The following TSPAN11 variants were observed in gnomAD, a reference collection of about 807,000 sequenced individuals.
TSPAN11 encodes tetraspanin 11, also known as tetraspanin-11.
TSPAN11 carries 29 observed loss-of-function variants against 32.9 expected under a neutral mutation model. That is an observed-to-expected ratio of 0.88 (90% CI 0.66 to 1.20). TSPAN11 has a LOEUF of 1.20. Among genes scored for constraint, TSPAN11 ranks in the 50% most tolerant of loss-of-function variants. The probability of loss-of-function intolerance (pLI) is 0.00; values close to 1 mark genes in which losing one functional copy is unlikely to be tolerated. For missense variants in TSPAN11, 283 were observed against 329.1 expected (o/e 0.86, Z 1.08); for synonymous variants, 140 against 141.3 (o/e 0.99, Z 0.07).
At chr12:30,952,966 C>G (rs563148002) in intron 1 of TSPAN11, among the ~76,000 whole-genome samples, 7 of 152,296 alleles carry the variant, frequency 4.6e-5, no homozygotes, top group African/African-American at 1.7e-4. Flanking sequence ...GAAGAGGAAA[C>G]TACAAAGGCT....
intron 1 of TSPAN11, among the ~76,000 whole-genome samples, chr12:30,948,359 A>G (rs892772380): frequency 3.3e-5 from 5 of 152,196 alleles, no homozygotes; most frequent in African/African-American, 1.2e-4. Context: ...TCCCTTCCAC[A>G]CTGCCCTAGC....
chr12:30,997,435 A>C (rs1378318533), downstream of TSPAN11: 1 of 152,576 alleles, frequency 6.6e-6, no homozygotes, highest in Non-Finnish European at 1.5e-5. Flanking sequence ...AACAGGAAGC[A>C]TGGCTGGGAG....
At chr12:30,981,936 C>T (rs1939100687) in intron 5 of TSPAN11, among the ~76,000 whole-genome samples, 1 of 152,222 alleles carries the variant, frequency 6.6e-6, no homozygotes, top group Non-Finnish European at 1.5e-5. Flanking sequence ...TGTCCACTGT[C>T]TTGGAATCAT....
chr12:30,960,690 G>A (rs1168641800), intron 2 of TSPAN11, among the ~76,000 whole-genome samples: 2 of 151,962 alleles, frequency 1.3e-5, no homozygotes, highest in African/African-American at 4.9e-5. Context: ...TTGTCGCCTG[G>A]CTTCACCCTC....
chr12:30,959,203 G>A (rs1198240871), intron 2 of TSPAN11, among the ~76,000 whole-genome samples: 1 of 152,098 alleles, frequency 6.6e-6, no homozygotes, highest in Non-Finnish European at 1.5e-5. Context: ...CGTTCTGAGG[G>A]GAGTGAGGGG....
Position 30,940,703 on chromosome 12 carries a change from G to A in TSPAN11, c.-11-13278G>A, listed in dbSNP as rs535996613. On this transcript the variant is annotated intron_variant, in intron 1 of 7. Coordinates refer to ENST00000546076, the MANE Select transcript of TSPAN11 (RefSeq NM_001370302.1). Reference sequence around the variant, plus strand: ...CTCTTCTGTAACATGCGGACAATGCGCATGCCTACCTCATGGGGTTGTGAG... The same window carrying A: ...CTCTTCTGTAACATGCGGACAATGCACATGCCTACCTCATGGGGTTGTGAG... Among the ~76,000 whole-genome samples, 23 of 152,270 alleles carry A rather than the reference G, an allele frequency of 1.5e-4. No individual in the cohort carries two copies. The South Asian group carries it at 2.3e-3, about 15-fold the overall frequency.
Position 30,943,742 on chromosome 12 carries a change from T to C in TSPAN11, c.-11-10239T>C, listed in dbSNP as rs542851198. Reference sequence around the variant, plus strand: ...GCCCCATTCCAAGAGTCTGAGGAAGTCTCACTTCTATGACTGCTTCAGGAA... The same window carrying C: ...GCCCCATTCCAAGAGTCTGAGGAAGCCTCACTTCTATGACTGCTTCAGGAA... On this transcript the variant is annotated intron_variant, in intron 1 of 7. Transcript: ENST00000546076. Among the ~76,000 whole-genome samples, 4 of 152,266 alleles carry C rather than the reference T, an allele frequency of 2.6e-5. No individual in the cohort carries two copies. In the East Asian group the frequency reaches 7.7e-4, roughly 29 times the overall value.
At chr12:30,949,217 A>G (rs948486865) in intron 1 of TSPAN11, among the ~76,000 whole-genome samples, 2 of 152,170 alleles carry the variant, frequency 1.3e-5, no homozygotes, top group Non-Finnish European at 2.9e-5. Context: ...TGAGCTCTCC[A>G]AACTGTTCCA....
the TSPAN11 span, among the ~76,000 whole-genome samples, chr12:31,002,103 T>C: frequency 2.0e-5 from 3 of 152,128 alleles, no homozygotes; most frequent in African/African-American, 4.8e-5. This position sits in a 1 kb window ranked among gnomAD's most constrained non-coding sequence, Gnocchi z 4.8. Context: ...ACTGAGTCTG[T>C]CTCGGTAAAT....
the TSPAN11 span, among the ~76,000 whole-genome samples, chr12:31,001,630 GGCA>G: frequency 2.6e-5 from 4 of 152,144 alleles, no homozygotes; most frequent in Admixed American, 2.0e-4. Flanking sequence ...TTGAAGGGCT[GGCA>G]GGGTTCTGCC....
intron 7 of TSPAN11, among the ~76,000 whole-genome samples, chr12:30,990,149 T>C (rs527748231): frequency 1.3e-5 from 2 of 152,224 alleles, no homozygotes; most frequent in South Asian, 4.2e-4. Context: ...TGTGTGTGTG[T>C]GTGCAAGTGT....
downstream of TSPAN11, chr12:30,996,935 C>A (rs959585652): frequency 1.3e-5 from 2 of 152,266 alleles, no homozygotes; most frequent in Non-Finnish European, 2.9e-5. Flanking sequence ...CCATGACACA[C>A]AACCAGCATC....
At chr12:31,000,742 C>T (rs1939470154), downstream of TSPAN11, among the ~76,000 whole-genome samples, 1 of 152,214 alleles carries the variant, frequency 6.6e-6, no homozygotes, top group Non-Finnish European at 1.5e-5. Flanking sequence ...GTTTTGCAAG[C>T]TATGAAGCTC....
chr12:30,982,422 G>C, intron 5 of TSPAN11, 110 bp from the exon 6 acceptor site: 1 of 1,439,274 alleles, frequency 6.9e-7, no homozygotes, highest in Non-Finnish European at 9.4e-7. Flanking sequence ...ACTAACCATG[G>C]TTCGGGTAGA....
At chr12:30,996,871 G>A (rs1304522087), downstream of TSPAN11, among the ~76,000 whole-genome samples, 1 of 152,154 alleles carries the variant, frequency 6.6e-6, no homozygotes, top group Admixed American at 6.5e-5. Flanking sequence ...TACTTAAATT[G>A]TATTCCTCTT....
chr12:30,962,259 T>C (rs1938628195), intron 2 of TSPAN11, among the ~76,000 whole-genome samples: 1 of 150,096 alleles, frequency 6.7e-6, no homozygotes, highest in South Asian at 2.1e-4. Context: ...GAGGTGCCAA[T>C]GGAGATTAAA....
intron 1 of TSPAN11, among the ~76,000 whole-genome samples, chr12:30,940,290 G>C (rs1938134191): frequency 6.6e-6 from 1 of 152,190 alleles, no homozygotes; most frequent in Admixed American, 6.5e-5. Context: ...TGTTCACATG[G>C]CTCCTTAATG....
chr12:31,008,958 G>C, the TSPAN11 span, among the ~76,000 whole-genome samples: 2 of 152,150 alleles, frequency 1.3e-5, no homozygotes, highest in African/African-American at 4.8e-5. Context: ...GTAAGCCAAG[G>C]GTCACAGTGA....
intron 7 of TSPAN11, among the ~76,000 whole-genome samples, chr12:30,985,890 G>T (rs1168223779): frequency 6.6e-6 from 1 of 152,250 alleles, no homozygotes; most frequent in South Asian, 2.1e-4. Flanking sequence ...CCACCATGCA[G>T]TCTGTTCCTT....
Sources: allele counts gnomAD v4.1 joint callset (sites outside exome capture counted in the v4.1 genomes callset), GRCh38; gene constraint gnomAD v4.1.1; non-coding constraint Gnocchi (gnomAD v3.1); transcripts MANE v1.5; gene names NCBI Gene and HGNC (gene_info 2026-07-23, HGNC 2026-07-21).